Variants in BTNL8 observed in about 807,000 individuals in gnomAD.
BTNL8 encodes the protein butyrophilin like 8.
In BTNL8, 22 loss-of-function variants were observed where a neutral mutation model predicts 36.1. The observed-to-expected ratio is 0.61, with a 90% CI of 0.44 to 0.87. The LOEUF is 0.87. Ranked by LOEUF, BTNL8 falls within the 40% of genes least tolerant of loss-of-function variation. The probability of loss-of-function intolerance (pLI) is 0.00; values close to 1 mark genes in which losing one functional copy is unlikely to be tolerated. For synonymous variants in BTNL8, 203 were observed against 235.6 expected (o/e 0.86, Z 1.27); for missense variants, 526 against 616.9 (o/e 0.85, Z 1.56).
chr5:180,915,883 G>A (rs896095520), intron 3 of BTNL8, among the ~76,000 whole-genome samples: 3 of 152,204 alleles, frequency 2.0e-5, no homozygotes, highest in Admixed American at 6.5e-5. Context: ...TAGAAGCAAT[G>A]TAGCTCAACA....
At position 180,949,931 on chromosome 5, in the gene BTNL8, C is replaced by T; in HGVS notation, c.890C>T (p.Ala297Val). The change falls in exon 8 of 8, where the codon GCT (alanine) becomes GTT (valine). Residue 297 changes from alanine (A) to valine (V), a missense_variant. This residue lies in a region of BTNL8 where 176 missense variants were observed against 292.3 expected (regional missense o/e 0.60). Coordinates refer to ENST00000340184, the MANE Select transcript of BTNL8 (RefSeq NM_001040462.3). ...AVEVTLDPET[A>V]HPKLCVSDLK... ...GAGGTGACTCTGGATCCAGAGACGG[C>T]TCACCCGAAGCTCTGCGTTTCTGAT... 1 of 1,459,592 alleles carries T rather than the reference C, an allele frequency of 6.9e-7. No individual in the cohort carries two copies. Among genetic ancestry groups the T allele is most frequent in the Non-Finnish European group, 9.5e-7 (1 of 1,057,600 alleles). The allele number at this position is 1,459,592 out of a possible 1,614,324, so 90.4% of individuals were successfully genotyped here. A position where few individuals can be genotyped will look rare whatever the true frequency, so the allele number is the denominator to read the frequency against.
rs1214861738 is a variant in BTNL8 at position 180,949,552 on chromosome 5, C to A, written c.862+287C>A. On this transcript the variant is annotated intron_variant, in intron 7 of 7. Transcript: ENST00000340184. The stretch of plus-strand genomic sequence containing the variant: ...ACTAGTGACTGGTCAGGGGTCTGAG[C>A]TGAGGGGAAGGAAGTAAAGTCAGGC... 5 of 548,038 alleles carry A rather than the reference C, an allele frequency of 9.1e-6. 1 individual carries two copies. Among genetic ancestry groups the A allele is most frequent in the Non-Finnish European group, 1.3e-5 (4 of 318,892 alleles). The allele number at this position is 548,038 out of a possible 1,614,324, so 33.9% of individuals were successfully genotyped here. A position where few individuals can be genotyped will look rare whatever the true frequency, so the allele number is the denominator to read the frequency against.
At chr5:180,911,261 C>G in intron 2 of BTNL8, 78 bp from the exon 3 acceptor site, 5 of 1,564,932 alleles carry the variant, frequency 3.2e-6, no homozygotes, top group Non-Finnish European at 4.3e-6. Context: ...GGGGGGTGGA[C>G]TGAATGCACC....
At chr5:180,944,401 CACG>C (rs1236660785) in intron 3 of BTNL8, among the ~76,000 whole-genome samples, 1 of 152,048 alleles carries the variant, frequency 6.6e-6, no homozygotes, top group Non-Finnish European at 1.5e-5. Context: ...ATACATGTAT[CACG>C]ACATCACATT....
At chr5:180,928,796 G>A (rs1349913378) in intron 3 of BTNL8, among the ~76,000 whole-genome samples, 1 of 152,162 alleles carries the variant, frequency 6.6e-6, no homozygotes, top group Non-Finnish European at 1.5e-5. Flanking sequence ...CAATATAGAA[G>A]CACCCAGATT....
At chr5:180,923,782 T>C (rs1471602557) in intron 3 of BTNL8, among the ~76,000 whole-genome samples, 2 of 152,186 alleles carry the variant, frequency 1.3e-5, no homozygotes, top group Non-Finnish European at 2.9e-5. Context: ...ATTCTTTCAA[T>C]TTATACTTCA....
intron 3 of BTNL8, chr5:180,945,873 A>G (rs1163136989): frequency 7.0e-6 from 3 of 430,732 alleles, no homozygotes; most frequent in African/African-American, 2.0e-5. Context: ...TTCCATCAGC[A>G]CGCAAAGGAC....
intron 3 of BTNL8, among the ~76,000 whole-genome samples, chr5:180,940,232 G>C (rs899220430): frequency 1.3e-5 from 2 of 151,772 alleles, no homozygotes; most frequent in Non-Finnish European, 2.9e-5. Context: ...CCAGCTACTC[G>C]GGAGGCTGAG....
chr5:180,903,244 T>G lies in BTNL8; in HGVS notation c.49+3885T>G, dbSNP rs1269478715. On this transcript the variant is annotated intron_variant, in intron 1 of 7. Transcript: ENST00000340184. ...ACTGGTGTGAGATGGTATCTCATTGTGGTTTTGATTTGCATTTCTCTGATG... is the reference window on the plus strand; with the variant it reads ...ACTGGTGTGAGATGGTATCTCATTGGGGTTTTGATTTGCATTTCTCTGATG... Among the ~76,000 whole-genome samples, 2 of 120,128 alleles carry G rather than the reference T, an allele frequency of 1.7e-5. 1 individual carries two copies. The highest frequency in any genetic ancestry group is 8.5e-5 in the African/African-American group (2 of 23,660). 78.8% of individuals were successfully genotyped at this position (120,128 alleles called of 152,430 possible). A position where few individuals can be genotyped will look rare whatever the true frequency, so the allele number is the denominator to read the frequency against.
chr5:180,899,285 G>C lies in BTNL8; in HGVS notation c.-26G>C. 6.2e-7 allele frequency: 1 copy of C among 1,613,260 alleles called. No individual in the cohort carries two copies. The highest frequency in any genetic ancestry group is 8.5e-7 in the Non-Finnish European group (1 of 1,179,236). ...CTCTCCTGTCATCCGTTTCCATGCC[G>C]TGAGGTCCATTCACAGAACACATCC... is the stretch of plus-strand genomic sequence containing the variant. On this transcript the variant is annotated 5_prime_UTR_variant, in exon 1 of 8. Coordinates refer to ENST00000340184, the MANE Select transcript of BTNL8 (RefSeq NM_001040462.3).
chr5:180,909,608 A>G (rs1459872045), intron 2 of BTNL8: 4 of 983,360 alleles, frequency 4.1e-6, no homozygotes, highest in Admixed American at 6.2e-5. Flanking sequence ...GGCTGGGTGC[A>G]GTGGCTCAAG....
intron 3 of BTNL8, among the ~76,000 whole-genome samples, chr5:180,941,912 C>CTTTTTTTTTTTTTTTTT (rs1554145496): frequency 1.4e-3 from 206 of 144,670 alleles, no homozygotes; most frequent in African/African-American, 1.7e-3. Context: ...TTTTACTACT[C>CTTTTTTTTTTTTTTTTT]TTATTCAACA....
chr5:180,922,168 A>C lies in BTNL8; in HGVS notation c.673+10554A>C, dbSNP rs145408872. ...AACTCTGGATTCATTGATCTTTTGA[A>C]TGGTATTTCATATCTCAATCTCCTT... On this transcript the variant is annotated intron_variant, in intron 3 of 7. Coordinates refer to ENST00000340184, the MANE Select transcript of BTNL8 (RefSeq NM_001040462.3). Among the ~76,000 whole-genome samples the C allele has an allele frequency of 2.0e-5, 3 of 151,848 alleles. No individual in the cohort carries two copies. In the East Asian group the frequency reaches 5.8e-4, roughly 29 times the overall value.
intron 3 of BTNL8, among the ~76,000 whole-genome samples, chr5:180,922,077 T>G (rs1757892571): frequency 6.6e-6 from 1 of 152,012 alleles, no homozygotes; most frequent in African/African-American, 2.4e-5. Context: ...ATTTGGATAT[T>G]TTTTTCTCTT....
intron 1 of BTNL8, chr5:180,902,367 A>C: frequency 6.4e-7 from 1 of 1,551,176 alleles, no homozygotes; most frequent in Non-Finnish European, 8.7e-7. Flanking sequence ...GATCGAATGA[A>C]GTAACTGATG....
At chr5:180,947,870 C>T (rs923890678) in intron 4 of BTNL8, 20 of 1,369,744 alleles carry the variant, frequency 1.5e-5, no homozygotes, top group Non-Finnish European at 1.8e-5. Flanking sequence ...ATTTTCAGTA[C>T]CTATAGAGAG....
chr5:180,906,763 A>C (rs1757102208), intron 1 of BTNL8, among the ~76,000 whole-genome samples: 1 of 107,302 alleles, frequency 9.3e-6, no homozygotes, highest in Non-Finnish European at 1.8e-5. Context: ...AAAGTATTTT[A>C]TTTCTCCTTC....
At chr5:180,902,188 T>G (rs2591480) in intron 1 of BTNL8, among the ~76,000 whole-genome samples, 19,964 of 75,158 alleles carry the variant, frequency 0.27, 1,474 homozygotes, top group African/African-American at 0.46. Flanking sequence ...GATGTTTGGG[T>G]TTTTTTTTTA....
chr5:180,927,645 A>G (rs1758166460), intron 3 of BTNL8, among the ~76,000 whole-genome samples: 1 of 152,196 alleles, frequency 6.6e-6, no homozygotes, highest in African/African-American at 2.4e-5. Context: ...AAATGACCTG[A>G]TGGAGCTGAA....
Sources: allele counts gnomAD v4.1 joint callset (sites outside exome capture counted in the v4.1 genomes callset), GRCh38; gene constraint gnomAD v4.1.1; regional missense constraint gnomAD v4.1.1; transcripts MANE v1.5; gene names NCBI Gene and HGNC (gene_info 2026-07-23, HGNC 2026-07-21).